The following HELZ variants were observed in gnomAD, a reference collection of about 807,000 sequenced individuals.
HELZ encodes the protein helicase with zinc finger.
HELZ carries 23 observed loss-of-function variants against 218.2 expected under a neutral mutation model. The ratio of observed to expected loss-of-function variants is 0.11; its 90% confidence interval spans 0.08 to 0.15. The LOEUF is 0.15. Ranked by LOEUF, HELZ falls within the 10% of genes least tolerant of loss-of-function variation. The probability of loss-of-function intolerance (pLI) is 1.00; values close to 1 mark genes in which losing one functional copy is unlikely to be tolerated. For missense variants in HELZ, 1,813 were observed against 2,353.7 expected, an observed-to-expected ratio of 0.77 and a Z score of 4.75; for synonymous variants, 814 against 829.4, an observed-to-expected ratio of 0.98 and a Z score of 0.32.
intron 3 of HELZ, among the ~76,000 whole-genome samples, chr17:67,226,997 T>C (rs1261100888): frequency 1.3e-5 from 2 of 152,012 alleles, no homozygotes; most frequent in African/African-American, 4.8e-5. Context: ...TGGGTAGGGG[T>C]AACTATAAAA....
chr17:67,226,427 A>C (rs1450382978), intron 3 of HELZ, among the ~76,000 whole-genome samples: 1 of 152,186 alleles, frequency 6.6e-6, no homozygotes, highest in African/African-American at 2.4e-5. Context: ...GCCATTAGGG[A>C]AATGCAAACT....
In HELZ at chr17:67,109,238, G is replaced by A; in HGVS notation, c.4367C>T (p.Pro1456Leu). The A allele has an allele frequency of 6.2e-7, 1 of 1,614,130 alleles. No homozygotes were observed. The highest frequency in any genetic ancestry group is 2.2e-5 in the East Asian group (1 of 44,874). The change falls in exon 29 of 33, where the codon CCC becomes CTC. Residue 1456 changes from proline (P) to leucine (L), a missense_variant. Physicochemically the swap from Pro to Leu is moderately conservative, Grantham distance 98. This residue lies in a region of HELZ where 938 missense variants were observed against 1,027.5 expected (regional missense o/e 0.91). Transcript: ENST00000358691. ...AGGACTGTGGCCTTCTTGCAGCATG[G>A]GAGGGGGCTGCTGCTCCGGAATTAC... ...EAVIPEQQPP[P>L]MLQEGHSPLR...
chr17:67,226,379 A>G (rs912781863), intron 3 of HELZ, among the ~76,000 whole-genome samples: 2 of 152,204 alleles, frequency 1.3e-5, no homozygotes, highest in African/African-American at 4.8e-5. Context: ...GGATATAATG[A>G]TAACAAATAA....
At chr17:67,113,452 G>A (rs535259421) in intron 28 of HELZ, among the ~76,000 whole-genome samples, 100 of 152,182 alleles carry the variant, frequency 6.6e-4, no homozygotes, top group African/African-American at 2.3e-3. Context: ...AGTAGAGACG[G>A]GGTTTCACCG....
rs2035917840 is a variant in HELZ, at chr17:67,072,515, A to T, written c.*5737T>A. 2.0e-5 allele frequency: 3 copies of T among 152,586 alleles called. No homozygotes were observed. In the South Asian group the frequency reaches 6.2e-4, roughly 32 times the overall value. 9.5% of individuals were successfully genotyped at this position (152,586 alleles called of 1,614,324 possible). ...AGGATTCTCACTTCCATGCATGTGGATCAAGATTGACCCTAAGCACACCAA... is the reference window on the plus strand; with the variant it reads ...AGGATTCTCACTTCCATGCATGTGGTTCAAGATTGACCCTAAGCACACCAA... On this transcript the variant is annotated 3_prime_UTR_variant, in exon 33 of 33. Transcript: ENST00000358691.
At position 67,188,570 on chromosome 17, in the gene HELZ, C is replaced by T; in HGVS notation, c.911G>A (p.Arg304His). The T allele has an allele frequency of 1.2e-6, 2 of 1,613,650 alleles. No individual in the cohort carries two copies. Among genetic ancestry groups the T allele is most frequent in the Non-Finnish European group, 1.7e-6 (2 of 1,179,698 alleles). ...YRVALLYDAH[R>H]PHFSIIAISA... Reference sequence around the variant, plus strand: ...TATTGCAATGATACTAAAATGAGGACGATGAGCATCATAAAGCAATGCTAC... The same window carrying T: ...TATTGCAATGATACTAAAATGAGGATGATGAGCATCATAAAGCAATGCTAC... Residue 304 changes from arginine to histidine, a missense_variant, in exon 12 of 33, where the codon CGT becomes CAT. This residue lies in a region of HELZ where 714 missense variants were observed against 1,029.2 expected (regional missense o/e 0.69). Transcript: ENST00000358691. The surrounding 1 kb of genome is among the most constrained non-coding windows in gnomAD (Gnocchi z 4.1).
At chr17:67,103,998 G>A (rs9911593) in intron 31 of HELZ, among the ~76,000 whole-genome samples, 350 of 152,298 alleles carry the variant, frequency 2.3e-3, no homozygotes, top group African/African-American at 8.1e-3. Flanking sequence ...TGGGGGAAAG[G>A]AGTCTTTTCA....
At chr17:67,242,495 C>T in intron 2 of HELZ, among the ~76,000 whole-genome samples, 1 of 146,220 alleles carries the variant, frequency 6.8e-6, no homozygotes, top group African/African-American at 2.5e-5. Context: ...TATATACACA[C>T]ATATCTATAC....
In HELZ at chr17:67,108,603, G is replaced by A; in HGVS notation, c.4613C>T (p.Pro1538Leu). The A allele has an allele frequency of 6.2e-7, 1 of 1,614,036 alleles. No individual in the cohort carries two copies. The highest frequency in any genetic ancestry group is 1.1e-5 in the South Asian group (1 of 91,086). Residue 1538 changes from proline (P) to leucine (L), a missense_variant, in exon 30 of 33, where the codon CCT (proline) becomes CTT (leucine). Pro to Leu is a moderately conservative substitution (Grantham distance 98). Coordinates refer to ENST00000358691, the MANE Select transcript of HELZ (RefSeq NM_014877.4). This position sits in a 1 kb window ranked among gnomAD's most constrained non-coding sequence, Gnocchi z 4.1. Reference sequence around the variant, plus strand: ...CGGCTGAGGAAGATGCTGGAGGTGAGGATGGTGATGGTGTGGGTATGGAGC... The same window carrying A: ...CGGCTGAGGAAGATGCTGGAGGTGAAGATGGTGATGGTGTGGGTATGGAGC... ...GSAPYPHHHH[P>L]HLQHLPQPPL...
Position 67,167,735 on chromosome 17 carries a change from C to G in HELZ, c.1492G>C (p.Gly498Arg). 6.2e-7 allele frequency: 1 copy of G among 1,614,092 alleles called. No individual in the cohort carries two copies. Among genetic ancestry groups the G allele is most frequent in the South Asian group, 1.1e-5 (1 of 91,066 alleles). Residue 498 changes from glycine to arginine, a missense_variant, in exon 14 of 33, where the codon GGT becomes CGT. By Grantham distance (125) the Gly-to-Arg change is moderately radical. Coordinates refer to ENST00000358691, the MANE Select transcript of HELZ (RefSeq NM_014877.4). ...TGTCCATTCTGAGCATACTTTGCAC[C>G]TCCAGAAACACCAGTGAGCATGAAG... ...ASFMLTGVSG[G>R]AKYAQNGQLF... is the part of the protein sequence containing the mutation.
At chr17:67,087,944 C>T (rs973836981) in intron 31 of HELZ, among the ~76,000 whole-genome samples, 1 of 151,786 alleles carries the variant, frequency 6.6e-6, no homozygotes, top group African/African-American at 2.4e-5. Flanking sequence ...GTATCAGCCT[C>T]CATCTAAGGC....
chr17:67,201,125 T>G lies in HELZ; in HGVS notation c.429+4A>C. ...TCCAAACGGATCCACTGAAATGGCC[T>G]TACCTCTGTTTCTGAGAGAAGTGTT... On this transcript the variant is annotated splice_donor_region_variant and intron_variant, in intron 7 of 32. Transcript: ENST00000358691. The G allele has an allele frequency of 1.3e-6, 2 of 1,590,898 alleles. No homozygotes were observed. Among genetic ancestry groups the G allele is most frequent in the Non-Finnish European group, 1.7e-6 (2 of 1,158,790 alleles).
At chr17:67,179,086 TC>T (rs1220008616) in intron 12 of HELZ, among the ~76,000 whole-genome samples, 160 bp from the exon 13 acceptor site, 3 of 151,962 alleles carry the variant, frequency 2.0e-5, no homozygotes, top group African/African-American at 4.8e-5. Context: ...ATTGACTATT[TC>T]CCCCATATCA....
At chr17:67,163,625 A>C (rs1392893799) in intron 15 of HELZ, among the ~76,000 whole-genome samples, 1 of 151,842 alleles carries the variant, frequency 6.6e-6, no homozygotes, top group Non-Finnish European at 1.5e-5. Flanking sequence ...GATGGTCTCG[A>C]TCTCCTGACC....
intron 12 of HELZ, among the ~76,000 whole-genome samples, chr17:67,184,236 T>C (rs1839478588): frequency 1.3e-5 from 2 of 152,242 alleles, no homozygotes; most frequent in South Asian, 2.1e-4. Context: ...AGCTACACTG[T>C]CTCTAAGAGG....
chr17:67,166,342 T>C, intron 15 of HELZ, 136 bp downstream of exon 15: 1 of 609,444 alleles, frequency 1.6e-6, no homozygotes, highest in African/African-American at 1.8e-5. Flanking sequence ...AGTGTTCTTT[T>C]ACTCTCCTTT....
chr17:67,128,632 T>C lies in HELZ; in HGVS notation c.3387+19A>G. On this transcript the variant is annotated intron_variant, in intron 24 of 32. Transcript: ENST00000358691. ...TTTTCTCCCTTTAACCTCTTCAATTTCATTAACAGAGGCTTTACCTTGGGT... is the reference window on the plus strand; with the variant it reads ...TTTTCTCCCTTTAACCTCTTCAATTCCATTAACAGAGGCTTTACCTTGGGT... 1 of 1,607,136 alleles carries C rather than the reference T, an allele frequency of 6.2e-7. No individual in the cohort carries two copies. Among genetic ancestry groups the C allele is most frequent in the Non-Finnish European group, 8.5e-7 (1 of 1,173,642 alleles).
chr17:67,243,552 G>C (rs1053609535), intron 2 of HELZ, among the ~76,000 whole-genome samples: 6 of 152,148 alleles, frequency 3.9e-5, no homozygotes, highest in African/African-American at 1.4e-4. Flanking sequence ...AGTAACATTT[G>C]GCTCTTAGTT....
chr17:67,155,705 C>G (rs112517413), intron 17 of HELZ, among the ~76,000 whole-genome samples: 2 of 152,026 alleles, frequency 1.3e-5, no homozygotes, highest in African/African-American at 4.8e-5. Flanking sequence ...GGCGTGGTGG[C>G]GTGTGCCTGT....
Sources: gnomAD v4.1 joint callset for allele counts (sites outside exome capture counted in the v4.1 genomes callset) on GRCh38, gnomAD v4.1.1 for gene constraint, gnomAD v4.1.1 regional missense constraint, Gnocchi (gnomAD v3.1) non-coding constraint, MANE v1.5 for transcripts, NCBI Gene and HGNC (gene_info 2026-07-23, HGNC 2026-07-21) for gene names.